Variants in GPSM2 observed in about 807,000 individuals in gnomAD.
The protein encoded by GPSM2 is G protein-signaling modulator 2.
In GPSM2, 58 loss-of-function variants were observed where a neutral mutation model predicts 78.4. That is an observed-to-expected ratio of 0.74 (90% CI 0.60 to 0.92). GPSM2 has a LOEUF of 0.92. Ranked by LOEUF, GPSM2 falls within the 40% of genes least tolerant of loss-of-function variation. GPSM2 has a pLI of 0.00. For synonymous variants in GPSM2, 224 were observed against 280.2 expected (o/e 0.80, Z 2.00); for missense variants, 700 against 815.5 (o/e 0.86, Z 1.73).
At chr1:108,879,573 G>T (rs1442960399) in intron 1 of GPSM2, among the ~76,000 whole-genome samples, 3 of 152,198 alleles carry the variant, frequency 2.0e-5, no homozygotes, top group Non-Finnish European at 4.4e-5. Flanking sequence ...GGTGGCTCAC[G>T]CCTGTAATCC....
At chr1:108,878,136 C>T (rs1665722956) in intron 1 of GPSM2, among the ~76,000 whole-genome samples, 1 of 152,158 alleles carries the variant, frequency 6.6e-6, no homozygotes, top group Admixed American at 6.5e-5. Context: ...GGTGTGATTG[C>T]TTCTGATAAA....
chr1:108,904,163 T>A lies in GPSM2; in HGVS notation c.1101T>A (p.Asn367Lys). ...GTGGTGAACTAACAGCACGACTTAA[T>A]CTCTCAGACCTTCAAATGGTTCTTG... ...DKSGELTARL[N>K]LSDLQMVLGL... Residue 367 changes from asparagine (N) to lysine (K), a missense_variant, in exon 10 of 15, where the codon AAT (asparagine) becomes AAA (lysine). Coordinates refer to ENST00000264126, the MANE Select transcript of GPSM2 (RefSeq NM_013296.5). 6.3e-7 allele frequency: 1 copy of A among 1,599,488 alleles called. No homozygotes were observed. Among genetic ancestry groups the A allele is most frequent in the Non-Finnish European group, 8.6e-7 (1 of 1,167,298 alleles).
At chr1:108,888,842 T>C (rs968510229) in intron 2 of GPSM2, among the ~76,000 whole-genome samples, 4 of 152,198 alleles carry the variant, frequency 2.6e-5, no homozygotes, top group African/African-American at 4.8e-5. Flanking sequence ...ATAGGTAAGA[T>C]GAGGACATTT....
In GPSM2 at chr1:108,911,421, G is replaced by T. The variant is rs557415790; in HGVS notation, c.1193-2917G>T. 1.4e-4 allele frequency among the ~76,000 whole-genome samples: 21 copies of T among 152,238 alleles called. No individual in the cohort carries two copies. In the South Asian group the frequency reaches 3.3e-3, roughly 24 times the overall value. On this transcript the variant is annotated intron_variant, in intron 10 of 14. Coordinates refer to ENST00000264126, the MANE Select transcript of GPSM2 (RefSeq NM_013296.5). Reference sequence around the variant, plus strand: ...AGGGCCCTGTAATCCCATCTACTCAGGAGGCTGAGGTGGAAGAATGTCTTG... The same window carrying T: ...AGGGCCCTGTAATCCCATCTACTCATGAGGCTGAGGTGGAAGAATGTCTTG...
intron 1 of GPSM2, among the ~76,000 whole-genome samples, chr1:108,878,661 G>T (rs1425401986): frequency 6.6e-6 from 1 of 152,104 alleles, no homozygotes. Flanking sequence ...TGGAAAATCT[G>T]ACATAGATTT....
chr1:108,908,389 A>AC (rs1265901205), intron 10 of GPSM2, among the ~76,000 whole-genome samples: 3 of 149,714 alleles, frequency 2.0e-5, no homozygotes, highest in Non-Finnish European at 4.4e-5. Context: ...AAACAAACAA[A>AC]AAAAACACAG....
chr1:108,917,595 T>TACACAC (rs71593443), intron 11 of GPSM2, among the ~76,000 whole-genome samples: 701 of 56,970 alleles, frequency 0.012, 17 homozygotes, highest in Middle Eastern at 0.015. Flanking sequence ...AACAAATGTA[T>TACACAC]ACACACACAC....
intron 5 of GPSM2, 64 bp from the exon 6 acceptor site, chr1:108,898,578 G>A (rs988017297): frequency 1.4e-5 from 21 of 1,497,656 alleles, no homozygotes; most frequent in Admixed American, 1.7e-5. Context: ...AATTAGATAT[G>A]TAAATCACAT....
rs192258094 is a variant in GPSM2 at position 108,902,726 on chromosome 1, C to G, written c.954-400C>G. On this transcript the variant is annotated intron_variant, in intron 8 of 14. Transcript: ENST00000264126. Reference sequence around the variant, plus strand: ...GAGAGAACTTTTCGATGCAGATGTTCAAAATGAAGTATGCTACCTCAAGAG... The same window carrying G: ...GAGAGAACTTTTCGATGCAGATGTTGAAAATGAAGTATGCTACCTCAAGAG... Among the ~76,000 whole-genome samples the G allele has an allele frequency of 1.5e-3, 228 of 152,214 alleles. 3 individuals are homozygous for G. The highest frequency in any genetic ancestry group is 5.8e-4 in the East Asian group (3 of 5,178).
chr1:108,917,654 A>G (rs1180920225), intron 11 of GPSM2, among the ~76,000 whole-genome samples: 2 of 56,916 alleles, frequency 3.5e-5, no homozygotes, highest in Non-Finnish European at 7.1e-5. Flanking sequence ...ATATATATAT[A>G]TATATATATA....
At position 108,931,341 on chromosome 1, in the gene GPSM2, TAAC is replaced by T. The variant is rs957253069; in HGVS notation, c.*1404_*1406del. 6 of 1,550,586 alleles carry T rather than the reference TAAC, an allele frequency of 3.9e-6. No homozygotes were observed. The African/African-American group carries it at 8.2e-5, about 21-fold the overall frequency. On this transcript the variant is annotated 3_prime_UTR_variant, in exon 15 of 15. Transcript: ENST00000264126. ...TTGAAGGCAGTTTACAAGGGGATGA[TAAC>T]AAAGTAACTAACTAACTGTAGCAAA... is the stretch of plus-strand genomic sequence containing the variant.
chr1:108,931,085 G>GT lies in GPSM2; in HGVS notation c.*1148dup, dbSNP rs1651872386. 1 of 307,806 alleles carries GT rather than the reference G, an allele frequency of 3.2e-6. No homozygotes were observed. The highest frequency in any genetic ancestry group is 6.0e-6 in the Non-Finnish European group (1 of 166,666). The allele number at this position is 307,806 out of a possible 1,614,324, so 19.1% of individuals were successfully genotyped here. A position where few individuals can be genotyped will look rare whatever the true frequency, so the allele number is the denominator to read the frequency against. On this transcript the variant is annotated 3_prime_UTR_variant, in exon 15 of 15. Transcript: ENST00000264126. ...AAGTATCTTTTGTGTGTTTTGGGCT[G>GT]TTTAAAAAAATTATTTAAAATGGTC... is the stretch of plus-strand genomic sequence containing the variant.
rs745585012 is a variant in GPSM2, at chr1:108,903,165, A to T, written c.993A>T (p.Ala331=). The T allele has an allele frequency of 4.3e-6, 7 of 1,611,150 alleles. No individual in the cohort carries two copies. The East Asian group carries it at 1.6e-4, about 36-fold the overall frequency. ...GAGCATGTTGGAGCTTAGGAAATGC[A>T]TACACAGCACTAGGAAATCATGATC... is the stretch of plus-strand genomic sequence containing the variant. ...EGRACWSLGN[A]YTALGNHDQA... The change falls in exon 9 of 15, where the codon GCA becomes GCT. Residue 331 remains alanine (A), a synonymous_variant. Transcript: ENST00000264126.
At chr1:108,891,590 G>C (rs1647972595) in intron 2 of GPSM2, among the ~76,000 whole-genome samples, 1 of 151,858 alleles carries the variant, frequency 6.6e-6, no homozygotes, top group South Asian at 2.1e-4. Context: ...TGCCTACTGG[G>C]CTCAAGCTAT....
chr1:108,907,328 C>T (rs962910379), intron 10 of GPSM2, among the ~76,000 whole-genome samples: 1 of 152,180 alleles, frequency 6.6e-6, no homozygotes, highest in Non-Finnish European at 1.5e-5. Context: ...TCTGCACAGT[C>T]TAAGAAACCC....
At chr1:108,926,646 CACAT>C (rs775336001) in intron 14 of GPSM2, 3 of 151,942 alleles carry the variant, frequency 2.0e-5, no homozygotes, top group Admixed American at 2.0e-4. Flanking sequence ...AGGGAAAAAA[CACAT>C]ACAGGAAAAA....
intron 2 of GPSM2, among the ~76,000 whole-genome samples, chr1:108,894,681 G>A (rs1166525223): frequency 6.6e-6 from 1 of 151,948 alleles, no homozygotes; most frequent in Non-Finnish European, 1.5e-5. Flanking sequence ...CTGAGTGACA[G>A]TGAGAGACTG....
At chr1:108,920,877 G>A (rs2101536967) in intron 12 of GPSM2, among the ~76,000 whole-genome samples, 1 of 152,232 alleles carries the variant, frequency 6.6e-6, no homozygotes, top group East Asian at 1.9e-4. Context: ...CACATTCAGA[G>A]TTTTGAATTC....
At chr1:108,913,387 ATAG>A (rs768138624) in intron 10 of GPSM2, among the ~76,000 whole-genome samples, 1 of 152,226 alleles carries the variant, frequency 6.6e-6, no homozygotes, top group Non-Finnish European at 1.5e-5. Flanking sequence ...GACTGTGTGG[ATAG>A]TATAAACCAG....
Sources: allele counts gnomAD v4.1 joint callset (sites outside exome capture counted in the v4.1 genomes callset), GRCh38; gene constraint gnomAD v4.1.1; transcripts MANE v1.5; gene names NCBI Gene and HGNC (gene_info 2026-07-23, HGNC 2026-07-21).